Variants in DUS4L observed in about 807,000 individuals in gnomAD.
The protein encoded by DUS4L is tRNA-dihydrouridine(20a/20b) synthase [NAD(P)+]-like.
DUS4L carries 31 observed loss-of-function variants against 33.8 expected under a neutral mutation model. The observed-to-expected ratio is 0.92, with a 90% CI of 0.69 to 1.24. DUS4L has a LOEUF of 1.24. Ranked by LOEUF, DUS4L falls within the 50% of genes most tolerant of loss-of-function variation. DUS4L has a pLI of 0.00. For missense variants in DUS4L, 368 were observed against 388.6 expected, an observed-to-expected ratio of 0.95 and a Z score of 0.45; for synonymous variants, 103 against 120.3, an observed-to-expected ratio of 0.86 and a Z score of 0.94.
intron 1 of DUS4L, 98 bp from the exon 2 acceptor site, chr7:107,564,490 A>C (rs1804381404): frequency 6.4e-6 from 1 of 156,122 alleles, no homozygotes. Flanking sequence ...ATGAAGAAGG[A>C]AGTCTGAACC....
At chr7:107,567,239 C>A in intron 3 of DUS4L, 53 bp downstream of exon 3, 1 of 1,529,120 alleles carries the variant, frequency 6.5e-7, no homozygotes, top group Non-Finnish European at 9.0e-7. Flanking sequence ...CTTTTATGCT[C>A]TGACTTTTTA....
At chr7:107,573,597 A>C (rs563378344) in intron 4 of DUS4L, 107 bp from the exon 5 acceptor site, 1 of 1,108,756 alleles carries the variant, frequency 9.0e-7, no homozygotes, top group African/African-American at 1.6e-5. Context: ...TTCTTAGGCT[A>C]AAAAATCGTT....
intron 2 of DUS4L, among the ~76,000 whole-genome samples, chr7:107,565,637 C>T (rs1051766953): frequency 6.6e-5 from 10 of 152,122 alleles, no homozygotes; most frequent in African/African-American, 2.4e-4. Flanking sequence ...GATCCTCCTG[C>T]CCAAGCTTCT....
At chr7:107,577,122 A>T in intron 7 of DUS4L, 191 bp from the exon 8 acceptor site, 1 of 720,618 alleles carries the variant, frequency 1.4e-6, no homozygotes, top group Non-Finnish European at 2.1e-6. Context: ...ACGTACATTT[A>T]AACTTTCCTG....
chr7:107,576,575 G>A lies in DUS4L; in HGVS notation c.689G>A (p.Arg230Gln), dbSNP rs6957510. 79,421 of 1,588,860 alleles carry A rather than the reference G, an allele frequency of 0.05. 2,094 individuals carry two copies. Among genetic ancestry groups the A allele is most frequent in the Non-Finnish European group, 0.056 (66,061 of 1,169,748 alleles). The part of the protein sequence containing the change: ...RSLKEAENVW[R>Q]ITGTDGVMVA... Reference sequence around the variant, plus strand: ...TTAAAGGAAGCAGAAAATGTGTGGCGGATTACTGGGACAGATGGTAAGAAA... The same window carrying A: ...TTAAAGGAAGCAGAAAATGTGTGGCAGATTACTGGGACAGATGGTAAGAAA... Residue 230 changes from arginine to glutamine, a missense_variant, in exon 7 of 8, where the codon CGG (arginine) becomes CAG (glutamine). Physicochemically the swap from Arg to Gln is conservative, Grantham distance 43. Transcript: ENST00000265720.
Position 107,573,790 on chromosome 7 carries a change from G to A in DUS4L, c.325G>A (p.Gly109Arg), listed in dbSNP as rs762946688. 5.0e-6 allele frequency: 8 copies of A among 1,587,362 alleles called. No individual in the cohort carries two copies. Among genetic ancestry groups the A allele is most frequent in the Non-Finnish European group, 6.9e-6 (8 of 1,167,032 alleles). Residue 109 changes from glycine (G) to arginine (R), a missense_variant, in exon 5 of 8, where the codon GGA (glycine) becomes AGA (arginine). Gly to Arg is a moderately radical substitution (Grantham distance 125). Transcript: ENST00000265720. ...AARIVCPYAN[G>R]IDINCGCPQR... ...TCGTATAGTCTGTCCTTATGCGAATGGAATAGACATTAACTGTGGTTGCCC... is the reference window on the plus strand; with the variant it reads ...TCGTATAGTCTGTCCTTATGCGAATAGAATAGACATTAACTGTGGTTGCCC...
intron 2 of DUS4L, among the ~76,000 whole-genome samples, chr7:107,566,008 G>A (rs1446052495): frequency 1.3e-5 from 2 of 152,086 alleles, no homozygotes; most frequent in African/African-American, 4.8e-5. Context: ...CCTTCATAAT[G>A]GTCTCTCTCG....
Position 107,576,676 on chromosome 7 carries a change from T to C in DUS4L, c.706+84T>C. On this transcript the variant is annotated intron_variant, in intron 7 of 7. Transcript: ENST00000265720. ...GTAATGTTAATTTGATTTTCATTTG[T>C]TTTGTTTAACATTAAGCCATATTTT... The C allele has an allele frequency of 2.3e-6, 3 of 1,318,530 alleles. No individual in the cohort carries two copies. The South Asian group carries it at 4.4e-5, about 19-fold the overall frequency. 81.7% of individuals were successfully genotyped at this position (1,318,530 alleles called of 1,614,324 possible).
chr7:107,574,200 A>G (rs1805520943), intron 5 of DUS4L, among the ~76,000 whole-genome samples: 1 of 152,214 alleles, frequency 6.6e-6, no homozygotes. Context: ...TGTTTGACTT[A>G]GGAAATCACC....
In DUS4L at chr7:107,567,168, C is replaced by A; in HGVS notation, c.98C>A (p.Pro33Gln). The change falls in exon 3 of 8, where the codon CCA becomes CAA. Residue 33 changes from proline (P) to glutamine (Q), a missense_variant. Pro to Gln is a moderately conservative substitution (Grantham distance 76). Coordinates refer to ENST00000265720, the MANE Select transcript of DUS4L (RefSeq NM_181581.3). ...GGACAGCTGGTAAAAGTCTGTGCCC[C>A]AATGGTTCGATATTCAAAGTAAGTG... ...HSGQLVKVCA[P>Q]MVRYSKLAFR... 1 of 1,612,352 alleles carries A rather than the reference C, an allele frequency of 6.2e-7. No individual in the cohort carries two copies. Among genetic ancestry groups the A allele is most frequent in the Non-Finnish European group, 8.5e-7 (1 of 1,179,140 alleles).
chr7:107,575,039 T>C (rs1348935109), intron 5 of DUS4L, 149 bp from the exon 6 acceptor site: 1 of 1,012,012 alleles, frequency 9.9e-7, no homozygotes, highest in Non-Finnish European at 1.5e-6. Flanking sequence ...ATTGATCCAC[T>C]TAGAAATGTT....
At chr7:107,566,210 G>A (rs140756580) in intron 2 of DUS4L, among the ~76,000 whole-genome samples, 1 of 152,236 alleles carries the variant, frequency 6.6e-6, no homozygotes, top group East Asian at 1.9e-4. Context: ...AGACTCTAAA[G>A]TTTGAGCAAT....
chr7:107,575,368 T>C (rs1230870787), intron 6 of DUS4L, 58 bp downstream of exon 6: 48 of 1,573,958 alleles, frequency 3.0e-5, no homozygotes, highest in Non-Finnish European at 4.0e-5. Context: ...AAATGAAAGA[T>C]TATTGCTTTT....
At chr7:107,570,176 C>T (rs915767606) in intron 3 of DUS4L, 1 of 151,836 alleles carries the variant, frequency 6.6e-6, no homozygotes, top group African/African-American at 2.4e-5. Flanking sequence ...TGATGGATTA[C>T]ATTAATTGAT....
chr7:107,577,800 C>G lies in DUS4L; in HGVS notation c.*240C>G. ...CCAGTGGTTCAAACATCCTGATCAT[C>G]CTAGGCAAACATTGACAAATACTGC... On this transcript the variant is annotated 3_prime_UTR_variant, in exon 8 of 8. Transcript: ENST00000265720. 2.7e-6 allele frequency: 1 copy of G among 368,220 alleles called. No individual in the cohort carries two copies. Among genetic ancestry groups the G allele is most frequent in the Non-Finnish European group, 4.9e-6 (1 of 202,308 alleles). The allele number at this position is 368,220 out of a possible 1,614,324, so 22.8% of individuals were successfully genotyped here. A position where few individuals can be genotyped will look rare whatever the true frequency, so the allele number is the denominator to read the frequency against.
chr7:107,567,794 T>C, intron 3 of DUS4L: 1 of 451,642 alleles, frequency 2.2e-6, no homozygotes, highest in Non-Finnish European at 4.4e-6. Context: ...GACTCCCCAT[T>C]CCACTGTTCC....
chr7:107,570,304 G>A (rs1262464599), intron 3 of DUS4L: 2 of 152,150 alleles, frequency 1.3e-5, no homozygotes, highest in African/African-American at 4.8e-5. Context: ...TTCTCCACTT[G>A]GCCTCCTTCG....
At chr7:107,566,250 A>G (rs1804679871) in intron 2 of DUS4L, among the ~76,000 whole-genome samples, 2 of 152,146 alleles carry the variant, frequency 1.3e-5, no homozygotes, top group Non-Finnish European at 2.9e-5. Context: ...CCCATATCTG[A>G]TTCTTTTTTT....
intron 3 of DUS4L, among the ~76,000 whole-genome samples, chr7:107,568,133 A>G (rs1450951902): frequency 6.6e-6 from 1 of 152,218 alleles, no homozygotes; most frequent in Non-Finnish European, 1.5e-5. Context: ...AAATACCCAT[A>G]TACAAATACC....
Sources: allele counts gnomAD v4.1 joint callset (sites outside exome capture counted in the v4.1 genomes callset), GRCh38; gene constraint gnomAD v4.1.1; transcripts MANE v1.5; gene names NCBI Gene and HGNC (gene_info 2026-07-23, HGNC 2026-07-21).